TCF4: variants seen among roughly 807,000 people sequenced by gnomAD.
TCF4 encodes SL3-3 enhancer factor 2.
TCF4 carries 3 observed loss-of-function variants against 82.1 expected under a neutral mutation model. That is an observed-to-expected ratio of 0.04 (90% CI 0.02 to 0.09). The LOEUF (loss-of-function observed/expected upper bound fraction) is 0.09. TCF4 is among the 10% of genes least tolerant of loss of function. The probability of loss-of-function intolerance (pLI) is 1.00; values close to 1 mark genes in which losing one functional copy is unlikely to be tolerated. For missense variants in TCF4, 518 were observed against 852.7 expected (o/e 0.61, Z 4.89); for synonymous variants, 276 against 309.6 (o/e 0.89, Z 1.14).
chr18:55,481,474 C>G (rs2096430472), intron 3 of TCF4, among the ~76,000 whole-genome samples: 1 of 152,198 alleles, frequency 6.6e-6, no homozygotes, highest in Non-Finnish European at 1.5e-5. Flanking sequence ...TCAGGCCTCA[C>G]AATGGTAACT....
chr18:55,306,209 G>C (rs1420310526), intron 8 of TCF4, among the ~76,000 whole-genome samples: 4 of 152,134 alleles, frequency 2.6e-5, no homozygotes, highest in African/African-American at 9.7e-5. Context: ...TTTTCTGACT[G>C]CTTAGTGTTA....
At chr18:55,235,187 C>G (rs2049022228) in intron 15 of TCF4, among the ~76,000 whole-genome samples, 1 of 152,114 alleles carries the variant, frequency 6.6e-6, no homozygotes, top group African/African-American at 2.4e-5. Flanking sequence ...GCGGAAGCTA[C>G]AGCAGTATGG....
In TCF4 at chr18:55,566,028, A is replaced by G. The variant is rs540914209; in HGVS notation, c.145+19252T>C. ...ATCCTGGCTAACACAGTGAAACCCC[A>G]TCTCTACTAAAAATACAAAAAAAAA... On this transcript the variant is annotated intron_variant, in intron 3 of 19. Transcript: ENST00000354452. 1.7e-3 allele frequency among the ~76,000 whole-genome samples: 252 copies of G among 146,280 alleles called. 8 individuals carry two copies. The South Asian group carries it at 0.034, about 20-fold the overall frequency.
intron 15 of TCF4, among the ~76,000 whole-genome samples, chr18:55,248,832 C>T (rs997946979): frequency 6.6e-6 from 1 of 152,080 alleles, no homozygotes; most frequent in Non-Finnish European, 1.5e-5. Context: ...GCAACCTGTG[C>T]CTCCAGAGTT....
At chr18:55,488,523 A>G (rs1327313507) in intron 3 of TCF4, among the ~76,000 whole-genome samples, 2 of 152,204 alleles carry the variant, frequency 1.3e-5, no homozygotes, top group Non-Finnish European at 2.9e-5. Flanking sequence ...TAGGATAAAA[A>G]TTGAAAGGTG....
intron 6 of TCF4, among the ~76,000 whole-genome samples, chr18:55,381,543 C>T (rs2091899273): frequency 6.6e-6 from 1 of 152,200 alleles, no homozygotes; most frequent in Non-Finnish European, 1.5e-5. Flanking sequence ...ATATATTAAA[C>T]CACATGTGAC....
intron 3 of TCF4, among the ~76,000 whole-genome samples, chr18:55,557,037 G>T (rs1327837852): frequency 6.6e-6 from 1 of 152,042 alleles, no homozygotes; most frequent in African/African-American, 2.4e-5. Flanking sequence ...CTCTGCTTTT[G>T]CTATACCCAT....
At chr18:55,332,086 AATTTT>A (rs2077678187) in intron 8 of TCF4, 1 of 152,154 alleles carries the variant, frequency 6.6e-6, no homozygotes. Context: ...AATGTTCTTT[AATTTT>A]TTTTGGCAAG....
chr18:55,320,591 T>C (rs977341504), intron 8 of TCF4, among the ~76,000 whole-genome samples: 9 of 152,218 alleles, frequency 5.9e-5, no homozygotes, highest in African/African-American at 1.9e-4. Flanking sequence ...CACATACACA[T>C]GTTTAATTCG....
Position 55,624,622 on chromosome 18 carries a change from C to T in TCF4, c.286+6676G>A, listed in dbSNP as rs571282738. Among the ~76,000 whole-genome samples, 219 of 152,042 alleles carry T rather than the reference C, an allele frequency of 1.4e-3. 2 individuals are homozygous for T. Among genetic ancestry groups the T allele is most frequent in the Non-Finnish European group, 2.5e-3 (169 of 68,006 alleles). On this transcript the variant is annotated intron_variant, in intron 2 of 20. Coordinates refer to the TCF4 transcript ENST00000398339. ...TAGCCATATGTATCCATCGCTTATC[C>T]CTTTTTTCTCCTGAAGCTCAAACTT...
intron 8 of TCF4, among the ~76,000 whole-genome samples, chr18:55,319,390 G>A (rs1568971306): frequency 6.6e-6 from 1 of 152,116 alleles, no homozygotes; most frequent in Non-Finnish European, 1.5e-5. Context: ...TTAAAAAATG[G>A]TATAGAATTG....
chr18:55,307,414 T>C (rs928613888), intron 8 of TCF4, among the ~76,000 whole-genome samples: 2 of 152,238 alleles, frequency 1.3e-5, no homozygotes, highest in African/African-American at 2.4e-5. Flanking sequence ...ATGAAGAGCA[T>C]TGGCTGTTGT....
At chr18:55,632,228 C>T (rs1339396460) in intron 1 of TCF4, among the ~76,000 whole-genome samples, 1 of 152,006 alleles carries the variant, frequency 6.6e-6, no homozygotes, top group Admixed American at 6.6e-5. Context: ...TTAGTAGAGA[C>T]GGGGTTTCAC....
chr18:55,287,470 C>G (rs956732654), intron 8 of TCF4, among the ~76,000 whole-genome samples: 17 of 152,314 alleles, frequency 1.1e-4, no homozygotes, highest in African/African-American at 3.8e-4. Context: ...TTTAGGAAGT[C>G]ACAAAACGGT....
At chr18:55,585,104 G>A (rs2097626061) in intron 3 of TCF4, among the ~76,000 whole-genome samples, 176 bp downstream of exon 3, 1 of 152,106 alleles carries the variant, frequency 6.6e-6, no homozygotes, top group South Asian at 2.1e-4. Context: ...AATTTTAATC[G>A]CACAAGATAA....
intron 3 of TCF4, among the ~76,000 whole-genome samples, chr18:55,525,283 G>A (rs2096970270): frequency 6.7e-6 from 1 of 149,708 alleles, no homozygotes. Context: ...TTCATTCCAC[G>A]TAACCTTTGA....
At chr18:55,421,992 A>T (rs1178449068) in intron 5 of TCF4, among the ~76,000 whole-genome samples, 1 of 152,026 alleles carries the variant, frequency 6.6e-6, no homozygotes, top group Non-Finnish European at 1.5e-5. Flanking sequence ...TCCTAAAATT[A>T]CATTTGAAGA....
chr18:55,490,417 A>G (rs906205179), intron 3 of TCF4, among the ~76,000 whole-genome samples: 9 of 152,190 alleles, frequency 5.9e-5, no homozygotes, highest in Admixed American at 5.9e-4. Context: ...TTAATCTTAT[A>G]GCTCAGTTTG....
At chr18:55,454,580 G>C (rs1318646036) in intron 5 of TCF4, among the ~76,000 whole-genome samples, 1 of 152,036 alleles carries the variant, frequency 6.6e-6, no homozygotes, top group African/African-American at 2.4e-5. Flanking sequence ...TATAGATCTG[G>C]AATCAGCTGA....
Sources: allele counts gnomAD v4.1 joint callset (sites outside exome capture counted in the v4.1 genomes callset), GRCh38; gene constraint gnomAD v4.1.1; transcripts MANE v1.5; gene names NCBI Gene and HGNC (gene_info 2026-07-23, HGNC 2026-07-21).